The following PAM variants were observed in gnomAD, a reference collection of about 807,000 sequenced individuals.
PAM encodes the protein peptidyl-glycine alpha-amidating monooxygenase.
A neutral mutation model predicts 122.1 loss-of-function variants in PAM; 72 were observed. That is an observed-to-expected ratio of 0.59 (90% confidence interval 0.49 to 0.72). PAM has a LOEUF of 0.72. Ranked by LOEUF, PAM falls within the 30% of genes least tolerant of loss-of-function variation. The pLI, the probability that PAM is intolerant of heterozygous loss-of-function variation, is 0.00. For synonymous variants in PAM, 389 were observed against 404.4 expected (o/e 0.96, Z 0.46); for missense variants, 1,106 against 1,183.7 (o/e 0.93, Z 0.96).
chr5:102,968,809 A>G (rs1334977596), intron 14 of PAM, among the ~76,000 whole-genome samples: 1 of 152,160 alleles, frequency 6.6e-6, no homozygotes, highest in East Asian at 1.9e-4. Context: ...TTGCAGCACT[A>G]TTCCCAATAG....
chr5:102,962,233 GC>G (rs1212218524), intron 14 of PAM, among the ~76,000 whole-genome samples: 1 of 151,816 alleles, frequency 6.6e-6, no homozygotes, highest in African/African-American at 2.4e-5. Flanking sequence ...AAATTATACA[GC>G]GGATGTTTTA....
chr5:102,758,708 A>C (rs773422192), intron 1 of PAM, among the ~76,000 whole-genome samples: 1 of 152,204 alleles, frequency 6.6e-6, no homozygotes, highest in Non-Finnish European at 1.5e-5. Flanking sequence ...GAATAATGAA[A>C]TACTAACCTG....
intron 7 of PAM, among the ~76,000 whole-genome samples, chr5:102,945,288 G>A (rs2151935410): frequency 6.6e-6 from 1 of 152,062 alleles, no homozygotes; most frequent in Admixed American, 6.6e-5. Context: ...TGATGGTCCT[G>A]TAAGGCACTA....
At chr5:103,007,363 A>G (rs1368455418) in intron 19 of PAM, 94 bp from the exon 20 acceptor site, 2 of 976,900 alleles carry the variant, frequency 2.0e-6, no homozygotes, top group African/African-American at 3.3e-5. Flanking sequence ...CAGGCATTTA[A>G]TGGTTTACTA....
intron 1 of PAM, among the ~76,000 whole-genome samples, chr5:102,781,285 G>C (rs982107412): frequency 6.6e-6 from 1 of 152,038 alleles, no homozygotes; most frequent in Non-Finnish European, 1.5e-5. Flanking sequence ...TACAGTATAG[G>C]GTGATAAATT....
At chr5:102,938,182 C>T (rs1188319317) in intron 7 of PAM, among the ~76,000 whole-genome samples, 2 of 152,112 alleles carry the variant, frequency 1.3e-5, no homozygotes. Context: ...TTCTTGCAGC[C>T]TCTTCACATA....
Position 102,899,779 on chromosome 5 carries a change from C to G in PAM, c.211-1577C>G, listed in dbSNP as rs1226290507. Among the ~76,000 whole-genome samples the G allele has an allele frequency of 2.0e-5, 3 of 151,612 alleles. No individual in the cohort carries two copies. In the East Asian group the frequency reaches 5.9e-4, roughly 30 times the overall value. On this transcript the variant is annotated intron_variant, in intron 3 of 25. Transcript: ENST00000438793. The stretch of plus-strand genomic sequence containing the variant: ...GAAGTGGGTCCAGTGTGAAGTGAAC[C>G]TAACTTTGACAAAACAAAAGGGAGG...
rs987867297 is a variant in PAM, at chr5:102,950,712, G to A, written c.802-5G>A. ...AATGATTCATTGTGTTTGTCTTTTT[G>A]GTAGGCTTTCTACCCTGTGGGGCAT... On this transcript the variant is annotated splice_region_variant and splice_polypyrimidine_tract_variant and intron_variant, in intron 11 of 25. Coordinates refer to ENST00000438793, the MANE Select transcript of PAM (RefSeq NM_001177306.2). 4 of 1,561,872 alleles carry A rather than the reference G, an allele frequency of 2.6e-6. No individual in the cohort carries two copies. Among genetic ancestry groups the A allele is most frequent in the Non-Finnish European group, 3.5e-6 (4 of 1,134,946 alleles).
intron 1 of PAM, among the ~76,000 whole-genome samples, chr5:102,759,488 A>T (rs1751689045): frequency 6.6e-6 from 1 of 152,242 alleles, no homozygotes; most frequent in African/African-American, 2.4e-5. Flanking sequence ...ATTTCAGCCA[A>T]GTATTGTCAG....
intron 7 of PAM, among the ~76,000 whole-genome samples, chr5:102,943,393 A>T (rs1755932788): frequency 6.6e-6 from 1 of 152,180 alleles, no homozygotes; most frequent in South Asian, 2.1e-4. Flanking sequence ...GAATAACCTC[A>T]TATCCCATGC....
intron 3 of PAM, among the ~76,000 whole-genome samples, chr5:102,879,750 T>G (rs1790371600): frequency 6.6e-6 from 1 of 152,186 alleles, no homozygotes. Context: ...TTATTAGCAA[T>G]GCGAGAATGG....
chr5:102,852,330 TAAGAATAAATATGAAAA>T (rs1476814590), intron 1 of PAM, among the ~76,000 whole-genome samples: 1 of 152,172 alleles, frequency 6.6e-6, no homozygotes, highest in African/African-American at 2.4e-5. Flanking sequence ...TATTTTTAAA[TAAGAATAAATATGAAAA>T]AAGAATAAAT....
At chr5:102,825,182 G>T (rs569946840) in intron 1 of PAM, among the ~76,000 whole-genome samples, 1 of 152,062 alleles carries the variant, frequency 6.6e-6, no homozygotes, top group Non-Finnish European at 1.5e-5. Context: ...AAATTAAATG[G>T]CTAATATTTT....
At chr5:102,940,428 GTATA>G (rs535846318) in intron 7 of PAM, among the ~76,000 whole-genome samples, 1 of 146,666 alleles carries the variant, frequency 6.8e-6, no homozygotes, top group Non-Finnish European at 1.5e-5. Flanking sequence ...CATTTAAAGT[GTATA>G]TATATATATA....
intron 4 of PAM, among the ~76,000 whole-genome samples, chr5:102,911,034 G>A (rs1048264228): frequency 2.0e-5 from 3 of 151,744 alleles, no homozygotes; most frequent in Admixed American, 6.6e-5. Context: ...CCAGCCTGCC[G>A]CTCCTCACTA....
At chr5:102,876,876 C>T (rs937711894) in intron 3 of PAM, among the ~76,000 whole-genome samples, 2 of 152,018 alleles carry the variant, frequency 1.3e-5, no homozygotes, top group Non-Finnish European at 2.9e-5. Flanking sequence ...CTTGTCTTCT[C>T]AAGCAAGCAC....
At chr5:102,953,081 T>C (rs1380481585) in intron 12 of PAM, among the ~76,000 whole-genome samples, 2 of 152,200 alleles carry the variant, frequency 1.3e-5, no homozygotes, top group East Asian at 3.8e-4. Context: ...GAAAAACCGT[T>C]GACAGTAGCC....
intron 14 of PAM, among the ~76,000 whole-genome samples, chr5:102,972,025 C>A (rs1765985585): frequency 1.3e-5 from 2 of 152,132 alleles, no homozygotes; most frequent in Admixed American, 1.3e-4. Context: ...CTTTCCTAAC[C>A]CAATAACAAT....
At chr5:102,778,769 T>G (rs1378487350) in intron 1 of PAM, among the ~76,000 whole-genome samples, 1 of 152,132 alleles carries the variant, frequency 6.6e-6, no homozygotes, top group East Asian at 1.9e-4. Flanking sequence ...AGTTTTCTGG[T>G]GGGTTGGTGA....
Sources: allele counts gnomAD v4.1 joint callset (sites outside exome capture counted in the v4.1 genomes callset), GRCh38; gene constraint gnomAD v4.1.1; transcripts MANE v1.5; gene names NCBI Gene and HGNC (gene_info 2026-07-23, HGNC 2026-07-21).